The following LMNA variants were observed in gnomAD, a reference collection of about 807,000 sequenced individuals.
The protein encoded by LMNA is lamin A/C.
A neutral mutation model predicts 70.4 loss-of-function variants in LMNA; 20 were observed. That is an observed-to-expected ratio of 0.28 (90% confidence interval 0.20 to 0.41). The LOEUF is 0.41. LMNA is among the 10% of genes least tolerant of loss of function. The probability of loss-of-function intolerance (pLI) is 1.00; values close to 1 mark genes in which losing one functional copy is unlikely to be tolerated. For missense variants in LMNA, 652 were observed against 917.2 expected (o/e 0.71, Z 3.73); for synonymous variants, 339 against 372.8 (o/e 0.91, Z 1.04).
At chr1:156,088,759 C>T (rs971742737) in intron 2 of LMNA, among the ~76,000 whole-genome samples, 3 of 152,224 alleles carry the variant, frequency 2.0e-5, no homozygotes, top group Non-Finnish European at 4.4e-5. Context: ...AAGCAATTCT[C>T]CTGCCTCAGC....
chr1:156,109,750 A>G (rs925504774), upstream of LMNA: 3 of 151,710 alleles, frequency 2.0e-5, no homozygotes, highest in Non-Finnish European at 4.4e-5. Context: ...TTAAAATGTA[A>G]GTTATTCACT....
At chr1:156,100,662 G>A (rs1423970960) in intron 3 of LMNA, among the ~76,000 whole-genome samples, 1 of 152,166 alleles carries the variant, frequency 6.6e-6, no homozygotes, top group Non-Finnish European at 1.5e-5. Flanking sequence ...GTGCTGAGGA[G>A]TAAGGTGTGT....
At chr1:156,132,298 C>T (rs951377496) in intron 2 of LMNA, among the ~76,000 whole-genome samples, 8 of 151,914 alleles carry the variant, frequency 5.3e-5, no homozygotes, top group Admixed American at 2.6e-4. Flanking sequence ...GGTGAAACCC[C>T]ATCTCTACTA....
rs200317083 is a variant in LMNA at position 156,139,303 on chromosome 1, CAA to C, written c.*210_*211del. Reference sequence around the variant, plus strand: ...TTTTATACTGAAGGAAAAACACAAGCAAAAAAAAAAAAAAGCATCTATCTCAT... The same window carrying C: ...TTTTATACTGAAGGAAAAACACAAGCAAAAAAAAAAAAGCATCTATCTCAT... On this transcript the variant is annotated 3_prime_UTR_variant, in exon 12 of 12. Coordinates refer to ENST00000368300, the MANE Select transcript of LMNA (RefSeq NM_170707.4). 0.021 allele frequency: 25,790 copies of C among 1,214,280 alleles called. No homozygotes were observed. The highest frequency in any genetic ancestry group is 0.044 in the East Asian group (1,432 of 32,376). 75.2% of individuals were successfully genotyped at this position (1,214,280 alleles called of 1,614,324 possible).
rs1572346696 is a variant in LMNA at position 156,126,561 on chromosome 1, C to G, written c.357-4056C>G. 9.0e-6 allele frequency: 7 copies of G among 777,418 alleles called. No individual in the cohort carries two copies. In the East Asian group the frequency reaches 1.5e-4, roughly 17 times the overall value. 48.2% of individuals were successfully genotyped at this position (777,418 alleles called of 1,614,324 possible). ...GCTGGTGCCTTTCTTCCCCAAACAG[C>G]CCCAAGGGCCCGGGCCTGCTGCAGC... On this transcript the variant is annotated intron_variant, in intron 1 of 11. Transcript: ENST00000368300.
chr1:156,090,394 G>A (rs1040609691), intron 2 of LMNA: 3 of 152,176 alleles, frequency 2.0e-5, no homozygotes, highest in African/African-American at 7.2e-5. Context: ...GAAGCAAAAG[G>A]CAGAGAGAGG....
chr1:156,101,517 A>G (rs529088678), intron 3 of LMNA, among the ~76,000 whole-genome samples: 9 of 151,980 alleles, frequency 5.9e-5, no homozygotes, highest in African/African-American at 1.9e-4. Context: ...GGAAGGAAGG[A>G]AGGGAGGGAG....
rs964429206 is a variant in LMNA, at chr1:156,134,598, G to A, written c.639+70G>A. Reference sequence around the variant, plus strand: ...GACAGACTTGGGCTGGGCTAGGGGGGACCAGCTGTGTGCAGAGCTCGCCTT... The same window carrying A: ...GACAGACTTGGGCTGGGCTAGGGGGAACCAGCTGTGTGCAGAGCTCGCCTT... On this transcript the variant is annotated intron_variant, in intron 3 of 11. Coordinates refer to ENST00000368300, the MANE Select transcript of LMNA (RefSeq NM_170707.4). The surrounding 1 kb of genome is among the most constrained non-coding windows in gnomAD (Gnocchi z 5.3). The A allele has an allele frequency of 3.7e-6, 6 of 1,606,340 alleles. No homozygotes were observed. Among genetic ancestry groups the A allele is most frequent in the East Asian group, 2.2e-5 (1 of 44,834 alleles).
In LMNA at chr1:156,126,751, G is replaced by T. The variant is rs1650615696; in HGVS notation, c.357-3866G>T. On this transcript the variant is annotated intron_variant, in intron 1 of 11. Transcript: ENST00000368300. ...CTGAGATCAGATTTGCCAGTGATGGGAAGAGTTAGAAACAGGATGCCCAGC... is the reference window on the plus strand; with the variant it reads ...CTGAGATCAGATTTGCCAGTGATGGTAAGAGTTAGAAACAGGATGCCCAGC... 5.1e-6 allele frequency: 8 copies of T among 1,574,576 alleles called. No individual in the cohort carries two copies. The South Asian group carries it at 8.2e-5, about 16-fold the overall frequency.
chr1:156,129,990 C>T (rs1650904417), intron 1 of LMNA: 2 of 678,192 alleles, frequency 2.9e-6, no homozygotes, highest in South Asian at 1.6e-5. Flanking sequence ...CAGATCAGGG[C>T]ACCCAGACTG....
chr1:156,110,347 T>C (rs1041005890), upstream of LMNA, among the ~76,000 whole-genome samples: 1 of 152,240 alleles, frequency 6.6e-6, no homozygotes. Flanking sequence ...AAATATTTGT[T>C]GAATGAATGA....
upstream of LMNA, among the ~76,000 whole-genome samples, chr1:156,110,987 G>A (rs974681559): frequency 2.0e-5 from 3 of 151,754 alleles, no homozygotes; most frequent in Admixed American, 1.3e-4. Context: ...AAAAAAATTA[G>A]AAACACCGAG....
intron 1 of LMNA, chr1:156,130,013 G>A (rs1385050893): frequency 3.1e-6 from 2 of 652,620 alleles, no homozygotes; most frequent in Non-Finnish European, 5.7e-6. Flanking sequence ...TCCTGAGAAA[G>A]GAAAGGGTCA....
intron 3 of LMNA, among the ~76,000 whole-genome samples, chr1:156,099,698 A>G (rs752498750): frequency 1.3e-5 from 2 of 151,874 alleles, no homozygotes; most frequent in African/African-American, 2.4e-5. Flanking sequence ...CCTGGCCAAC[A>G]TGGCGAAAAC....
chr1:156,133,300 T>C (rs1031538005), intron 2 of LMNA, among the ~76,000 whole-genome samples: 11 of 151,212 alleles, frequency 7.3e-5, no homozygotes, highest in Non-Finnish European at 1.0e-4. Flanking sequence ...CGGCTGGGTG[T>C]GGTGGCTCAC....
intron 1 of LMNA, among the ~76,000 whole-genome samples, chr1:156,119,330 A>T (rs918895386): frequency 6.6e-6 from 1 of 152,196 alleles, no homozygotes; most frequent in East Asian, 1.9e-4. Context: ...GTTGGCCAGG[A>T]TGGTCTTGAT....
chr1:156,093,979 C>T (rs1231686342), intron 3 of LMNA, among the ~76,000 whole-genome samples: 3 of 152,146 alleles, frequency 2.0e-5, no homozygotes, highest in African/African-American at 4.8e-5. Context: ...TCGCAGCCTG[C>T]CCTCATCTGA....
upstream of LMNA, among the ~76,000 whole-genome samples, chr1:156,114,475 GGAGCC>G (rs1442637493): frequency 6.6e-6 from 1 of 152,168 alleles, no homozygotes; most frequent in East Asian, 1.9e-4. Flanking sequence ...GGGCAAGCTT[GGAGCC>G]GACAGTGCTG....
intron 3 of LMNA, among the ~76,000 whole-genome samples, chr1:156,092,974 C>T (rs112481893): frequency 3.3e-5 from 5 of 150,748 alleles, no homozygotes; most frequent in South Asian, 2.1e-4. Context: ...CTGCAACTTC[C>T]GCCTCCTGGG....
Sources: gnomAD v4.1 joint callset for allele counts (sites outside exome capture counted in the v4.1 genomes callset) on GRCh38, gnomAD v4.1.1 for gene constraint, Gnocchi (gnomAD v3.1) non-coding constraint, MANE v1.5 for transcripts, NCBI Gene and HGNC (gene_info 2026-07-23, HGNC 2026-07-21) for gene names.